DPP6: variants seen among roughly 807,000 people sequenced by gnomAD.
DPP6 encodes the protein dipeptidyl peptidase like 6.
Under a neutral mutation model 122.6 loss-of-function variants are expected in DPP6, and 69 were observed. The observed-to-expected ratio is 0.56, with a 90% confidence interval of 0.46 to 0.69. DPP6 has a LOEUF of 0.69. Among genes scored for constraint, DPP6 ranks in the 30% least tolerant of loss-of-function variants. The pLI, the probability that DPP6 is intolerant of heterozygous loss-of-function variation, is 0.00. For synonymous variants in DPP6, 418 were observed against 433.1 expected (o/e 0.97, Z 0.43); for missense variants, 928 against 1,116.9 (o/e 0.83, Z 2.41).
the DPP6 span, among the ~76,000 whole-genome samples, chr7:153,841,690 G>A: frequency 6.6e-6 from 1 of 152,108 alleles, no homozygotes; most frequent in Non-Finnish European, 1.5e-5. Flanking sequence ...AGCAACTAGA[G>A]TCAGCTGGAA....
chr7:154,872,313 T>C (rs1028293196), intron 18 of DPP6, among the ~76,000 whole-genome samples: 4 of 152,262 alleles, frequency 2.6e-5, no homozygotes, highest in African/African-American at 9.6e-5. Flanking sequence ...GGCACCATAT[T>C]TCCCTGCCTG....
At chr7:154,574,700 GGTGT>G (rs1267622350) in intron 5 of DPP6, among the ~76,000 whole-genome samples, 103 of 137,844 alleles carry the variant, frequency 7.5e-4, no homozygotes, top group Middle Eastern at 9.1e-3. Context: ...ATATGTGTGT[GGTGT>G]GTGTGTATGT....
intron 1 of DPP6, among the ~76,000 whole-genome samples, chr7:154,274,078 G>A (rs1803972732): frequency 6.6e-6 from 1 of 152,184 alleles, no homozygotes; most frequent in South Asian, 2.1e-4. Flanking sequence ...ATCAGGTGGT[G>A]CTTCTGTTAT....
At chr7:154,666,648 C>G (rs528365447) in intron 6 of DPP6, among the ~76,000 whole-genome samples, 1 of 152,118 alleles carries the variant, frequency 6.6e-6, no homozygotes, top group Non-Finnish European at 1.5e-5. Flanking sequence ...CAGCACCCCC[C>G]CAATCCCTCC....
chr7:154,692,555 G>A (rs1839989231), intron 7 of DPP6, among the ~76,000 whole-genome samples: 1 of 152,098 alleles, frequency 6.6e-6, no homozygotes, highest in African/African-American at 2.4e-5. Context: ...GAAATCGTTT[G>A]ATTAATGTTG....
chr7:154,378,988 T>C (rs556296182), intron 1 of DPP6, among the ~76,000 whole-genome samples: 1 of 152,288 alleles, frequency 6.6e-6, no homozygotes, highest in African/African-American at 2.4e-5. Context: ...TCCCTCAACG[T>C]GTGGGGATTA....
At chr7:153,871,318 T>C in the DPP6 span, among the ~76,000 whole-genome samples, 1 of 152,226 alleles carries the variant, frequency 6.6e-6, no homozygotes, top group Non-Finnish European at 1.5e-5. Context: ...GCTTCCCGGC[T>C]GCTTTGTTTA....
At chr7:154,119,466 T>C (rs1422919755) in intron 1 of DPP6, among the ~76,000 whole-genome samples, 2 of 151,954 alleles carry the variant, frequency 1.3e-5, no homozygotes, top group Non-Finnish European at 1.5e-5. Flanking sequence ...AGAATTGTGC[T>C]GAGTACAACG....
the DPP6 span, among the ~76,000 whole-genome samples, chr7:153,782,846 A>G: frequency 4.6e-5 from 7 of 152,268 alleles, no homozygotes; most frequent in East Asian, 1.2e-3. Context: ...CCCAGGTTCC[A>G]GTCAAGGTCC....
At chr7:154,731,203 G>A (rs200328518) in intron 8 of DPP6, among the ~76,000 whole-genome samples, 1 of 152,248 alleles carries the variant, frequency 6.6e-6, no homozygotes, top group East Asian at 1.9e-4. Context: ...GTTAGGGGGT[G>A]GGGGGAGATT....
intron 5 of DPP6, among the ~76,000 whole-genome samples, chr7:154,578,865 T>C (rs1450372232): frequency 3.3e-5 from 5 of 152,136 alleles, no homozygotes. Flanking sequence ...GGGTTATTCT[T>C]CCAATGGCAC....
intron 5 of DPP6, chr7:154,588,008 A>AGGCATC (rs767502608): frequency 1.9e-6 from 3 of 1,612,830 alleles, no homozygotes; most frequent in Non-Finnish European, 2.5e-6. Flanking sequence ...GGCAGGTGTG[A>AGGCATC]GGCATCGCAT....
chr7:154,480,122 C>G (rs996145023), intron 3 of DPP6, among the ~76,000 whole-genome samples: 1 of 151,830 alleles, frequency 6.6e-6, no homozygotes, highest in African/African-American at 2.4e-5. Context: ...TACAGCAGGC[C>G]CCTCCTTTCT....
rs1834387672 is a variant in DPP6 at position 154,618,128 on chromosome 7, T to C, written c.628-19693T>C. ...TCTCGCTCTTTCCCCCATAAGGCTA[T>C]TAAAGTTGCTGCTGGAAGGTTCCAG... On this transcript the variant is annotated intron_variant, in intron 5 of 25. Transcript: ENST00000377770. The surrounding 1 kb of genome is among the most constrained non-coding windows in gnomAD (Gnocchi z 4.1). Among the ~76,000 whole-genome samples, 1 of 152,168 alleles carries C rather than the reference T, an allele frequency of 6.6e-6. No homozygotes were observed. The highest frequency in any genetic ancestry group is 2.4e-5 in the African/African-American group (1 of 41,444).
intron 1 of DPP6, among the ~76,000 whole-genome samples, chr7:154,335,896 A>G (rs147307626): frequency 6.4e-4 from 97 of 152,246 alleles, no homozygotes; most frequent in African/African-American, 2.2e-3. Context: ...GGGCGGAGAT[A>G]GAGCATGCTA....
chr7:154,857,789 A>G (rs1273918368), intron 17 of DPP6, among the ~76,000 whole-genome samples: 1 of 152,160 alleles, frequency 6.6e-6, no homozygotes, highest in Non-Finnish European at 1.5e-5. Context: ...GGGGATGTGC[A>G]TATCAGGCAG....
chr7:154,062,147 C>CA lies in DPP6; in HGVS notation c.243+9084_243+9085insA, dbSNP rs1399293460. Among the ~76,000 whole-genome samples the CA allele has an allele frequency of 2.0e-5, 2 of 100,804 alleles. 1 individual carries two copies. Among genetic ancestry groups the CA allele is most frequent in the Non-Finnish European group, 4.3e-5 (2 of 46,798 alleles). The allele number at this position is 100,804 out of a possible 152,430, so 66.1% of individuals were successfully genotyped here. A position where few individuals can be genotyped will look rare whatever the true frequency, so the allele number is the denominator to read the frequency against. ...CGGGGACTGAGAGCCAGACCCTCATCCCCCACCGGCTTAGGACCCACATCG... is the reference window on the plus strand; with the variant it reads ...CGGGGACTGAGAGCCAGACCCTCATCACCCCACCGGCTTAGGACCCACATCG... On this transcript the variant is annotated intron_variant, in intron 1 of 25. Transcript: ENST00000377770.
At chr7:154,295,989 G>A (rs925622020) in intron 1 of DPP6, among the ~76,000 whole-genome samples, 1 of 145,274 alleles carries the variant, frequency 6.9e-6, no homozygotes, top group African/African-American at 2.6e-5. Context: ...CTGTCACCCA[G>A]GCTGGAGTGC....
intron 1 of DPP6, among the ~76,000 whole-genome samples, chr7:154,385,810 C>T (rs1352913099): frequency 6.6e-6 from 1 of 152,138 alleles, no homozygotes; most frequent in Non-Finnish European, 1.5e-5. Flanking sequence ...TATTTGATTA[C>T]TCAATAAGTG....
Sources: allele counts gnomAD v4.1 joint callset (sites outside exome capture counted in the v4.1 genomes callset), GRCh38; gene constraint gnomAD v4.1.1; non-coding constraint Gnocchi (gnomAD v3.1); transcripts MANE v1.5; gene names NCBI Gene and HGNC (gene_info 2026-07-23, HGNC 2026-07-21).